TNS3: variants seen among roughly 807,000 people sequenced by gnomAD.
TNS3 encodes tensin 3, also known as tensin-3.
Under a neutral mutation model 140.9 loss-of-function variants are expected in TNS3, and 45 were observed. The ratio of observed to expected loss-of-function variants is 0.32; its 90% CI spans 0.25 to 0.41. The LOEUF (loss-of-function observed/expected upper bound fraction) is 0.41. Among genes scored for constraint, TNS3 ranks in the 10% least tolerant of loss-of-function variants. The pLI is 1.00. For synonymous variants in TNS3, 815 were observed against 788.4 expected (o/e 1.03, Z -0.56); for missense variants, 1,716 against 1,906.7 (o/e 0.90, Z 1.86).
At chr7:47,399,296 T>C (rs10951903) in intron 15 of TNS3, among the ~76,000 whole-genome samples, 7,044 of 151,940 alleles carry the variant, frequency 0.046, 210 homozygotes, top group Non-Finnish European at 0.061. Flanking sequence ...AAAATACTAA[T>C]ATCATTCTTC....
At chr7:47,580,309 A>C (rs1784496421) in intron 1 of TNS3, among the ~76,000 whole-genome samples, 1 of 152,236 alleles carries the variant, frequency 6.6e-6, no homozygotes, top group African/African-American at 2.4e-5. Flanking sequence ...ACTCGTCTGT[A>C]AAATGGGGTA....
intron 17 of TNS3, among the ~76,000 whole-genome samples, chr7:47,368,127 G>A (rs936116730): frequency 1.3e-5 from 2 of 152,178 alleles, no homozygotes; most frequent in African/African-American, 2.4e-5. Flanking sequence ...CTGCACTGAC[G>A]TTAACAGCAA....
chr7:47,486,024 G>A (rs560786787), intron 3 of TNS3, among the ~76,000 whole-genome samples: 1 of 151,688 alleles, frequency 6.6e-6, no homozygotes, highest in South Asian at 2.1e-4. Flanking sequence ...GTGAGTGTGT[G>A]TGGGGGTGAG....
intron 17 of TNS3, among the ~76,000 whole-genome samples, chr7:47,359,917 G>T (rs1790218401): frequency 6.6e-6 from 1 of 152,170 alleles, no homozygotes; most frequent in African/African-American, 2.4e-5. Context: ...ACACCTCAAA[G>T]TCCCAGAAGG....
intron 2 of TNS3, among the ~76,000 whole-genome samples, chr7:47,523,662 C>A (rs527771542): frequency 1.3e-5 from 2 of 152,318 alleles, no homozygotes; most frequent in South Asian, 2.1e-4. Context: ...CTCCTTCCTC[C>A]AGAAGGCAAA....
At chr7:47,573,177 TTA>T (rs1216670222) in intron 1 of TNS3, among the ~76,000 whole-genome samples, 2 of 152,164 alleles carry the variant, frequency 1.3e-5, no homozygotes, top group African/African-American at 4.8e-5. Flanking sequence ...ACCAAGTAAC[TTA>T]ACTATTCATT....
intron 4 of TNS3, chr7:47,470,315 C>T (rs758995104): frequency 1.4e-5 from 6 of 436,012 alleles, no homozygotes; most frequent in Non-Finnish European, 1.8e-5. Flanking sequence ...CACATGTACA[C>T]TCTATATCTA....
intron 20 of TNS3, among the ~76,000 whole-genome samples, chr7:47,307,229 A>T (rs2150742102): frequency 6.6e-6 from 1 of 152,334 alleles, no homozygotes; most frequent in African/African-American, 2.4e-5. Flanking sequence ...ATTTCCTAAA[A>T]TTCTACATGA....
chr7:47,465,442 C>T (rs898366922), intron 4 of TNS3, among the ~76,000 whole-genome samples: 8 of 152,176 alleles, frequency 5.3e-5, no homozygotes, highest in African/African-American at 1.7e-4. Context: ...ATCATCTGCG[C>T]CCTGCACAAT....
intron 13 of TNS3, among the ~76,000 whole-genome samples, chr7:47,411,421 T>C (rs1793759565): frequency 6.6e-6 from 1 of 152,108 alleles, no homozygotes; most frequent in Non-Finnish European, 1.5e-5. Flanking sequence ...CCTAGATCGC[T>C]CGCATACACA....
At chr7:47,574,201 A>G (rs1800619803) in intron 1 of TNS3, among the ~76,000 whole-genome samples, 1 of 151,830 alleles carries the variant, frequency 6.6e-6, no homozygotes, top group Non-Finnish European at 1.5e-5. Flanking sequence ...ACAAAATCAG[A>G]CCCTTTTAAT....
At chr7:47,456,536 A>G (rs533887612) in intron 4 of TNS3, among the ~76,000 whole-genome samples, 1 of 152,294 alleles carries the variant, frequency 6.6e-6, no homozygotes, top group South Asian at 2.1e-4. Context: ...AACACGTGCC[A>G]GCTTTTACTA....
At chr7:47,533,124 T>TATATATATATATATATATA (rs56661018) in intron 1 of TNS3, among the ~76,000 whole-genome samples, 5 of 26,968 alleles carry the variant, frequency 1.9e-4, no homozygotes, top group African/African-American at 7.1e-4. Context: ...TATATATATA[T>TATATATATATATATATATA]TTTTTTTTTT....
chr7:47,372,977 G>T (rs994122881), intron 16 of TNS3, among the ~76,000 whole-genome samples: 1 of 152,146 alleles, frequency 6.6e-6, no homozygotes, highest in Non-Finnish European at 1.5e-5. Flanking sequence ...CTTCCTAAAG[G>T]TGCAGAGCTC....
intron 17 of TNS3, among the ~76,000 whole-genome samples, chr7:47,346,845 G>C (rs540030295): frequency 1.4e-4 from 21 of 152,260 alleles, no homozygotes; most frequent in Middle Eastern, 3.4e-3. Context: ...GAGAAATTCT[G>C]GAGAGGGAAA....
At chr7:47,333,618 A>G (rs1055151147) in intron 20 of TNS3, among the ~76,000 whole-genome samples, 2 of 152,236 alleles carry the variant, frequency 1.3e-5, no homozygotes, top group East Asian at 3.8e-4. Context: ...TTCAACAGAA[A>G]AGGGAGTCGA....
intron 13 of TNS3, among the ~76,000 whole-genome samples, chr7:47,401,981 CTT>C (rs1793192827): frequency 1.3e-5 from 2 of 152,230 alleles, no homozygotes; most frequent in East Asian, 3.8e-4. Context: ...ATAAAAGAGA[CTT>C]TTCTTGGAGA....
At chr7:47,402,047 A>G (rs1383253222) in intron 13 of TNS3, among the ~76,000 whole-genome samples, 2 of 152,194 alleles carry the variant, frequency 1.3e-5, no homozygotes, top group African/African-American at 4.8e-5. Flanking sequence ...AAGCCACCGC[A>G]GCAGGTATGA....
At chr7:47,340,116 T>TATATATATATATATATATA (rs1491157255) in intron 20 of TNS3, among the ~76,000 whole-genome samples, 5 of 16,472 alleles carry the variant, frequency 3.0e-4, no homozygotes, top group Admixed American at 9.2e-4. Context: ...TATATATATA[T>TATATATATATATATATATA]TTTTTTTTTT....
Sources: allele counts gnomAD v4.1 joint callset (sites outside exome capture counted in the v4.1 genomes callset), GRCh38; gene constraint gnomAD v4.1.1; transcripts MANE v1.5; gene names NCBI Gene and HGNC (gene_info 2026-07-23, HGNC 2026-07-21).